The following MB21D2 variants were observed in gnomAD, a reference collection of about 807,000 sequenced individuals.
The protein encoded by MB21D2 is Mab-21 domain containing 2, also known as nucleotidyltransferase MB21D2.
In MB21D2, 9 loss-of-function variants were observed where a neutral mutation model predicts 33.3. That is an observed-to-expected ratio of 0.27 (90% CI 0.16 to 0.47). The LOEUF (loss-of-function observed/expected upper bound fraction) is 0.47. Among genes scored for constraint, MB21D2 ranks in the 20% least tolerant of loss-of-function variants. MB21D2 has a pLI of 0.99. For synonymous variants in MB21D2, 241 were observed against 236.3 expected, an observed-to-expected ratio of 1.02 and a Z score of -0.18; for missense variants, 540 against 624.6, an observed-to-expected ratio of 0.86 and a Z score of 1.44.
At chr3:192,890,735 G>A (rs1005849268) in intron 1 of MB21D2, among the ~76,000 whole-genome samples, 5 of 151,844 alleles carry the variant, frequency 3.3e-5, no homozygotes, top group East Asian at 1.9e-4. Flanking sequence ...AACAAATTTC[G>A]GCAAAAATGA....
At position 192,796,933 on chromosome 3, in the gene MB21D2, A is replaced by C. The variant is rs1413026467; in HGVS notation, c.*1453T>G. ...TTTCCATGCAAAAACCCAAGATCGCATATGTCTGATTTCAATTGGCCAAAA... is the reference window on the plus strand; with the variant it reads ...TTTCCATGCAAAAACCCAAGATCGCCTATGTCTGATTTCAATTGGCCAAAA... On this transcript the variant is annotated 3_prime_UTR_variant, in exon 2 of 2. Coordinates refer to ENST00000392452, the MANE Select transcript of MB21D2 (RefSeq NM_178496.4). The C allele has an allele frequency of 6.6e-6, 1 of 152,652 alleles. No individual in the cohort carries two copies. The highest frequency in any genetic ancestry group is 1.5e-5 in the Non-Finnish European group (1 of 68,040). 9.5% of individuals were successfully genotyped at this position (152,652 alleles called of 1,614,324 possible). A position where few individuals can be genotyped will look rare whatever the true frequency, so the allele number is the denominator to read the frequency against.
intron 1 of MB21D2, among the ~76,000 whole-genome samples, chr3:192,875,867 T>C (rs1018629258): frequency 6.6e-6 from 1 of 152,172 alleles, no homozygotes; most frequent in Non-Finnish European, 1.5e-5. Context: ...AGGGACGACA[T>C]GGCTACATAC....
At chr3:192,814,412 T>C (rs542511366) in intron 1 of MB21D2, among the ~76,000 whole-genome samples, 1 of 152,292 alleles carries the variant, frequency 6.6e-6, no homozygotes, top group Non-Finnish European at 1.5e-5. Context: ...ACATACTCTA[T>C]TGTTTGAGCT....
intron 1 of MB21D2, among the ~76,000 whole-genome samples, chr3:192,833,008 G>C (rs1335626846): frequency 6.6e-6 from 1 of 151,570 alleles, no homozygotes; most frequent in Non-Finnish European, 1.5e-5. Flanking sequence ...TATTTTAATG[G>C]ACACATTATA....
intron 1 of MB21D2, among the ~76,000 whole-genome samples, chr3:192,801,727 G>C (rs945423367): frequency 6.6e-6 from 1 of 152,184 alleles, no homozygotes; most frequent in African/African-American, 2.4e-5. Flanking sequence ...AGAATGGTGA[G>C]AAATAAATCC....
intron 1 of MB21D2, among the ~76,000 whole-genome samples, chr3:192,837,031 G>T (rs958862342): frequency 6.6e-6 from 1 of 151,964 alleles, no homozygotes; most frequent in African/African-American, 2.4e-5. Flanking sequence ...CATACCCAGG[G>T]TATGGCCATA....
intron 1 of MB21D2, among the ~76,000 whole-genome samples, chr3:192,916,606 G>A (rs112998000): frequency 0.014 from 2,113 of 152,340 alleles, 52 homozygotes; most frequent in African/African-American, 0.048. Context: ...CCACGGATCC[G>A]CTGGCGGAGC....
chr3:192,873,895 T>C (rs539634798), intron 1 of MB21D2, among the ~76,000 whole-genome samples: 2 of 152,072 alleles, frequency 1.3e-5, no homozygotes, highest in East Asian at 1.9e-4. Flanking sequence ...AGAGACAGGG[T>C]TTCACCATTC....
At chr3:192,850,945 G>C (rs574723308) in intron 1 of MB21D2, among the ~76,000 whole-genome samples, 2 of 152,286 alleles carry the variant, frequency 1.3e-5, no homozygotes, top group African/African-American at 4.8e-5. Context: ...AAGGTTAAGA[G>C]CACAGACTCT....
Position 192,877,768 on chromosome 3 carries a change from G to A in MB21D2, c.211+39862C>T, listed in dbSNP as rs543398321. 1.3e-5 allele frequency among the ~76,000 whole-genome samples: 2 copies of A among 152,280 alleles called. 1 individual carries two copies. The highest frequency in any genetic ancestry group is 1.3e-4 in the Admixed American group (2 of 15,300). On this transcript the variant is annotated intron_variant, in intron 1 of 1. Coordinates refer to ENST00000392452, the MANE Select transcript of MB21D2 (RefSeq NM_178496.4). ...TTAGTGACACCAAATTACTCAGATT[G>A]GGGCTGAGGATCTAGCAAACTCACA...
At chr3:192,876,588 T>A (rs1432167050) in intron 1 of MB21D2, among the ~76,000 whole-genome samples, 1 of 152,206 alleles carries the variant, frequency 6.6e-6, no homozygotes, top group East Asian at 1.9e-4. Flanking sequence ...AACGCTGCAA[T>A]AGATGTTGCC....
chr3:192,842,792 TG>T (rs1449688289), intron 1 of MB21D2, among the ~76,000 whole-genome samples: 2 of 152,188 alleles, frequency 1.3e-5, no homozygotes, highest in African/African-American at 4.8e-5. Context: ...TTTGGTTCTT[TG>T]GGAAGTGGAC....
At chr3:192,863,733 A>C (rs1201933695) in intron 1 of MB21D2, among the ~76,000 whole-genome samples, 1 of 152,158 alleles carries the variant, frequency 6.6e-6, no homozygotes. Context: ...CCAGGTCGTA[A>C]GAGCAGAGCC....
At chr3:192,884,107 A>G (rs1213644242) in intron 1 of MB21D2, among the ~76,000 whole-genome samples, 3 of 152,096 alleles carry the variant, frequency 2.0e-5, no homozygotes, top group Admixed American at 1.3e-4. Context: ...GCATGGGCGT[A>G]TATCAGATGG....
chr3:192,885,550 A>G (rs564772318), intron 1 of MB21D2, among the ~76,000 whole-genome samples: 16 of 152,210 alleles, frequency 1.1e-4, no homozygotes, highest in African/African-American at 3.9e-4. Flanking sequence ...GGGAAAAGGT[A>G]ATTAAACACA....
At chr3:192,804,426 T>TACACACACACAC (rs10552964) in intron 1 of MB21D2, among the ~76,000 whole-genome samples, 1 of 147,062 alleles carries the variant, frequency 6.8e-6, no homozygotes, top group African/African-American at 2.5e-5. Context: ...TTAAAACAGA[T>TACACACACACAC]ACACACACAC....
intron 1 of MB21D2, among the ~76,000 whole-genome samples, chr3:192,867,664 T>C (rs1713198536): frequency 6.6e-6 from 1 of 152,208 alleles, no homozygotes; most frequent in Admixed American, 6.5e-5. Flanking sequence ...GATGGCTGCA[T>C]GCATATTCTT....
chr3:192,886,940 A>G lies in MB21D2; in HGVS notation c.211+30690T>C, dbSNP rs116013025. On this transcript the variant is annotated intron_variant, in intron 1 of 1. Transcript: ENST00000392452. ...CTGTTTTCTGAAATTAGAAGACTGG[A>G]AATTACAAAGTCTTCATTTAAAATC... Among the ~76,000 whole-genome samples the G allele has an allele frequency of 7.1e-3, 1,085 of 152,166 alleles. 26 individuals are homozygous for G. Among genetic ancestry groups the G allele is most frequent in the African/African-American group, 0.025 (1,043 of 41,434 alleles).
intron 1 of MB21D2, among the ~76,000 whole-genome samples, chr3:192,887,666 G>A (rs1357945607): frequency 6.6e-6 from 1 of 152,064 alleles, no homozygotes; most frequent in Non-Finnish European, 1.5e-5. Context: ...CCAAAATAAA[G>A]TTTTAAATAA....
Sources: gnomAD v4.1 joint callset for allele counts (sites outside exome capture counted in the v4.1 genomes callset) on GRCh38, gnomAD v4.1.1 for gene constraint, MANE v1.5 for transcripts, NCBI Gene and HGNC (gene_info 2026-07-23, HGNC 2026-07-21) for gene names.